Variants in ZNF134 observed in about 807,000 individuals in gnomAD.
ZNF134 encodes the protein zinc finger protein 134 (clone pHZ-15).
A neutral mutation model predicts 2.5 loss-of-function variants in ZNF134; 5 were observed. The ratio of observed to expected loss-of-function variants is 2.03; its 90% confidence interval spans 1.06 to 4.27. The LOEUF (loss-of-function observed/expected upper bound fraction) is 4.27, where lower values mean the gene tolerates loss of function less well. Among genes scored for constraint, ZNF134 ranks in the 30% most tolerant of loss-of-function variants. ZNF134 has a pLI of 0.00. For synonymous variants in ZNF134, 176 were observed against 176.2 expected, an observed-to-expected ratio of 1.00 and a Z score of 0.01; for missense variants, 540 against 517.5, an observed-to-expected ratio of 1.04 and a Z score of -0.42.
chr19:57,622,802 T>G lies in ZNF134; in HGVS notation c.*1399T>G, dbSNP rs912354142. Reference sequence around the variant, plus strand: ...TTTGGAGTGATAAGAGTCACCATAGTGAGGTAGAGTCACTCTTAGTGATGT... The same window carrying G: ...TTTGGAGTGATAAGAGTCACCATAGGGAGGTAGAGTCACTCTTAGTGATGT... On this transcript the variant is annotated 3_prime_UTR_variant, in exon 3 of 3. Transcript: ENST00000396161. The G allele has an allele frequency of 2.0e-5, 3 of 152,160 alleles. No individual in the cohort carries two copies. The highest frequency in any genetic ancestry group is 7.2e-5 in the African/African-American group (3 of 41,416). The allele number at this position is 152,160 out of a possible 1,614,324, so 9.4% of individuals were successfully genotyped here. A position where few individuals can be genotyped will look rare whatever the true frequency, so the allele number is the denominator to read the frequency against.
At chr19:57,614,566 CCTGT>C (rs1248828828) in intron 1 of ZNF134, 63 bp downstream of exon 1, 29 of 344,768 alleles carry the variant, frequency 8.4e-5, no homozygotes, top group Middle Eastern at 2.1e-3. Flanking sequence ...ATGAGGAGCG[CCTGT>C]CTGAGTCCCT....
At chr19:57,619,625 T>C in intron 2 of ZNF134, 117 bp downstream of exon 2, 1 of 1,144,326 alleles carries the variant, frequency 8.7e-7, no homozygotes, top group East Asian at 2.6e-5. Flanking sequence ...TTCTACCTTT[T>C]TATCCCCATT....
At position 57,621,122 on chromosome 19, in the gene ZNF134, C is replaced by T; in HGVS notation, c.1003C>T (p.Gln335Ter). 1 of 1,614,234 alleles carries T rather than the reference C, an allele frequency of 6.2e-7. No individual in the cohort carries two copies. The highest frequency in any genetic ancestry group is 8.5e-7 in the Non-Finnish European group (1 of 1,180,036). ...FGHKYTLIKH[Q>*]RIHTESKPFE... is the part of the protein sequence containing the mutation. ...CCACAAATACACCCTCATTAAACATCAGCGAATTCACACTGAGTCAAAGCC... is the reference window on the plus strand; with the variant it reads ...CCACAAATACACCCTCATTAAACATTAGCGAATTCACACTGAGTCAAAGCC... Residue 335 changes from glutamine to a stop codon, truncating the protein, a stop_gained, in exon 3 of 3, where the codon CAG (glutamine) becomes TAG (stop). Coordinates refer to ENST00000396161, the MANE Select transcript of ZNF134 (RefSeq NM_003435.5). LOFTEE classifies it low-confidence loss of function (END_TRUNC).
intron 2 of ZNF134, among the ~76,000 whole-genome samples, chr19:57,619,798 T>C (rs1319034265): frequency 6.6e-6 from 1 of 152,262 alleles, no homozygotes; most frequent in Non-Finnish European, 1.5e-5. Flanking sequence ...TATCTGTAAA[T>C]AGTCCCTGAA....
rs1205203757 is a variant in ZNF134 at position 57,624,477 on chromosome 19, AACCCCAGTCAGGGTG to A, written c.*3077_*3091del. The A allele has an allele frequency of 6.6e-6, 1 of 152,238 alleles. No homozygotes were observed. The highest frequency in any genetic ancestry group is 6.5e-5 in the Admixed American group (1 of 15,282). 9.4% of individuals were successfully genotyped at this position (152,238 alleles called of 1,614,324 possible). A position where few individuals can be genotyped will look rare whatever the true frequency, so the allele number is the denominator to read the frequency against. The stretch of plus-strand genomic sequence containing the variant: ...CCAAAACAAAAGAGAAAACTGCCAG[AACCCCAGTCAGGGTG>A]ACATGTCTGTAACTCTTCCAGGCAA... On this transcript the variant is annotated 3_prime_UTR_variant, in exon 3 of 3. Coordinates refer to ENST00000396161, the MANE Select transcript of ZNF134 (RefSeq NM_003435.5).
intron 2 of ZNF134, 90 bp downstream of exon 2, chr19:57,619,598 C>T: frequency 7.2e-7 from 1 of 1,379,874 alleles, no homozygotes; most frequent in Non-Finnish European, 9.7e-7. Flanking sequence ...GTGCCAAGGC[C>T]AGAGGCCCTA....
In ZNF134 at chr19:57,622,691, GGA is replaced by G. The variant is rs1262898054; in HGVS notation, c.*1290_*1291del. 3 of 152,128 alleles carry G rather than the reference GGA, an allele frequency of 2.0e-5. No individual in the cohort carries two copies. The highest frequency in any genetic ancestry group is 4.4e-5 in the Non-Finnish European group (3 of 68,034). 9.4% of individuals were successfully genotyped at this position (152,128 alleles called of 1,614,324 possible). A position where few individuals can be genotyped will look rare whatever the true frequency, so the allele number is the denominator to read the frequency against. ...AAGGAAGTAGCTTTTGTGACCAGCT[GGA>G]GTTTCTGGTGACTCTTTTGGCAATG... On this transcript the variant is annotated 3_prime_UTR_variant, in exon 3 of 3. Transcript: ENST00000396161.
Position 57,620,405 on chromosome 19 carries a change from T to G in ZNF134, c.286T>G (p.Tyr96Asp), listed in dbSNP as rs566772626. 1.9e-6 allele frequency: 3 copies of G among 1,614,216 alleles called. No homozygotes were observed. Among genetic ancestry groups the G allele is most frequent in the East Asian group, 4.5e-5 (2 of 44,882 alleles). The part of the protein sequence containing the change: ...QFWFSANLHQ[Y>D]QKCYSIEQPL... ...CTGGTTCAGTGCAAACCTTCATCAG[T>G]ACCAGAAGTGTTACAGTATAGAGCA... The change falls in exon 3 of 3, where the codon TAC becomes GAC. Residue 96 changes from tyrosine to aspartate, a missense_variant. Physicochemically the swap from Tyr to Asp is radical, Grantham distance 160. Coordinates refer to ENST00000396161, the MANE Select transcript of ZNF134 (RefSeq NM_003435.5).
At position 57,620,356 on chromosome 19, in the gene ZNF134, AT is replaced by A; in HGVS notation, c.238del (p.Cys80ValfsTer23). 6.2e-7 allele frequency: 1 copy of A among 1,613,822 alleles called. No individual in the cohort carries two copies. Among genetic ancestry groups the A allele is most frequent in the East Asian group, 2.2e-5 (1 of 44,886 alleles). Reference sequence around the variant, plus strand: ...CACACCATGGACTGAAACTTCACACATGTGGGGCATGTGGGAGACAATTCTG... The same window carrying A: ...CACACCATGGACTGAAACTTCACACAGTGGGGCATGTGGGAGACAATTCTG... ...GTHHGLKLHT[C>X]GACGRQFWFS... On this transcript the variant is annotated frameshift_variant, in exon 3 of 3. Coordinates refer to ENST00000396161, the MANE Select transcript of ZNF134 (RefSeq NM_003435.5). LOFTEE classifies it low-confidence loss of function (END_TRUNC).
intron 1 of ZNF134, 87 bp from the exon 2 acceptor site, chr19:57,619,325 T>C (rs768134921): frequency 1.9e-6 from 2 of 1,048,770 alleles, no homozygotes; most frequent in Non-Finnish European, 2.9e-6. Flanking sequence ...TTGTAGCATT[T>C]GTTTTCTTGC....
chr19:57,621,799 A>G lies in ZNF134; in HGVS notation c.*396A>G, dbSNP rs1162112200. The G allele has an allele frequency of 1.8e-5, 6 of 329,328 alleles. No homozygotes were observed. Among genetic ancestry groups the G allele is most frequent in the South Asian group, 1.1e-4 (4 of 36,972 alleles). The allele number at this position is 329,328 out of a possible 1,614,324, so 20.4% of individuals were successfully genotyped here. ...CTTATACAAAAAGTTTACTTTCTTCATGGATATTCTTGGTCTCACATACTT... is the reference window on the plus strand; with the variant it reads ...CTTATACAAAAAGTTTACTTTCTTCGTGGATATTCTTGGTCTCACATACTT... On this transcript the variant is annotated 3_prime_UTR_variant, in exon 3 of 3. Transcript: ENST00000396161.
Position 57,620,820 on chromosome 19 carries a change from G to T in ZNF134, c.701G>T (p.Cys234Phe), listed in dbSNP as rs755168705. 6.2e-7 allele frequency: 1 copy of T among 1,614,216 alleles called. No homozygotes were observed. Among genetic ancestry groups the T allele is most frequent in the South Asian group, 1.1e-5 (1 of 91,088 alleles). Residue 234 changes from cysteine to phenylalanine, a missense_variant, in exon 3 of 3, where the codon TGC becomes TTC. Cys to Phe is a radical substitution (Grantham distance 205). Coordinates refer to ENST00000396161, the MANE Select transcript of ZNF134 (RefSeq NM_003435.5). The stretch of plus-strand genomic sequence containing the variant: ...CATACTGGAGAAAGGCCTTATGAAT[G>T]CAGCGAATGTGGAAAAACCTTCAGT... ...RIHTGERPYE[C>F]SECGKTFSRK... is the part of the protein sequence containing the mutation.
In ZNF134 at chr19:57,619,520, C is replaced by T; in HGVS notation, c.40+12C>T. The T allele has an allele frequency of 6.3e-7, 1 of 1,594,612 alleles. No individual in the cohort carries two copies. The highest frequency in any genetic ancestry group is 8.5e-7 in the Non-Finnish European group (1 of 1,170,742). On this transcript the variant is annotated intron_variant, in intron 2 of 2. Transcript: ENST00000396161. ...TTGGACAGGCCCTGGTGAGTGGGAG[C>T]TGAGGGACGCCATAACCTCAGGGCT...
rs765751536 is a variant in ZNF134 at position 57,619,585 on chromosome 19, C to T, written c.40+77C>T. 2.7e-6 allele frequency: 4 copies of T among 1,461,380 alleles called. No individual in the cohort carries two copies. In the African/African-American group the frequency reaches 5.7e-5, roughly 21 times the overall value. 90.5% of individuals were successfully genotyped at this position (1,461,380 alleles called of 1,614,324 possible). On this transcript the variant is annotated intron_variant, in intron 2 of 2. Coordinates refer to ENST00000396161, the MANE Select transcript of ZNF134 (RefSeq NM_003435.5). The stretch of plus-strand genomic sequence containing the variant: ...CCGGAAACCTATGTTGTGCCCATCA[C>T]AAGTGCCAAGGCCAGAGGCCCTAAC...
chr19:57,619,702 A>C, intron 2 of ZNF134, 194 bp downstream of exon 2: 1 of 629,702 alleles, frequency 1.6e-6, no homozygotes. Context: ...TCTCTACCAG[A>C]GGGGCTCTAG....
intron 1 of ZNF134, 141 bp downstream of exon 1, chr19:57,614,644 A>C (rs538485561): frequency 6.4e-4 from 205 of 319,648 alleles, no homozygotes; most frequent in Non-Finnish European, 1.0e-3. Flanking sequence ...TGTGACTGGC[A>C]GAGGGGCAGC....
chr19:57,623,996 C>G lies in ZNF134; in HGVS notation c.*2593C>G, dbSNP rs1981306961. ...AAGTTAAAGGTTGTAATATTCTATACATGGGACTGGCTGCGGAAACAGGTG... is the reference window on the plus strand; with the variant it reads ...AAGTTAAAGGTTGTAATATTCTATAGATGGGACTGGCTGCGGAAACAGGTG... On this transcript the variant is annotated 3_prime_UTR_variant, in exon 3 of 3. Coordinates refer to ENST00000396161, the MANE Select transcript of ZNF134 (RefSeq NM_003435.5). 1 of 152,204 alleles carries G rather than the reference C, an allele frequency of 6.6e-6. No homozygotes were observed. The highest frequency in any genetic ancestry group is 6.5e-5 in the Admixed American group (1 of 15,274). The allele number at this position is 152,204 out of a possible 1,614,324, so 9.4% of individuals were successfully genotyped here.
At chr19:57,620,117 A>G (rs1981156597) in intron 2 of ZNF134, 43 bp from the exon 3 acceptor site, 2 of 1,580,504 alleles carry the variant, frequency 1.3e-6, no homozygotes, top group Non-Finnish European at 8.6e-7. Flanking sequence ...TGCCCCACCC[A>G]CCAAAGTCAG....
In ZNF134 at chr19:57,619,654, T is replaced by C. The variant is rs566525809; in HGVS notation, c.40+146T>C. On this transcript the variant is annotated intron_variant, in intron 2 of 2. Coordinates refer to ENST00000396161, the MANE Select transcript of ZNF134 (RefSeq NM_003435.5). ...CCCCATTCTGTACACTCTTGTCATT[T>C]CTAATCTGACTTCTGACCCAGGGCT... is the stretch of plus-strand genomic sequence containing the variant. The C allele has an allele frequency of 4.3e-5, 40 of 940,444 alleles. No homozygotes were observed. The Admixed American group carries it at 4.3e-4, about 10-fold the overall frequency. 58.3% of individuals were successfully genotyped at this position (940,444 alleles called of 1,614,324 possible).
Sources: gnomAD v4.1 joint callset for allele counts (sites outside exome capture counted in the v4.1 genomes callset) on GRCh38, gnomAD v4.1.1 for gene constraint, MANE v1.5 for transcripts, NCBI Gene and HGNC (gene_info 2026-07-23, HGNC 2026-07-21) for gene names.